The following PTPN4 variants were observed in gnomAD, a reference collection of about 807,000 sequenced individuals.
The protein encoded by PTPN4 is protein tyrosine phosphatase non-receptor type 4.
Under a neutral mutation model 135.5 loss-of-function variants are expected in PTPN4, and 49 were observed. That is an observed-to-expected ratio of 0.36 (90% confidence interval 0.29 to 0.46). The LOEUF is 0.46. PTPN4 is among the 20% of genes least tolerant of loss of function. The pLI, the probability that PTPN4 is intolerant of heterozygous loss-of-function variation, is 1.00. For missense variants in PTPN4, 860 were observed against 1,101.0 expected, an observed-to-expected ratio of 0.78 and a Z score of 3.10; for synonymous variants, 333 against 369.9, an observed-to-expected ratio of 0.90 and a Z score of 1.14.
chr2:119,853,760 A>G (rs1270456617), intron 2 of PTPN4, among the ~76,000 whole-genome samples: 1 of 152,014 alleles, frequency 6.6e-6, no homozygotes, highest in Non-Finnish European at 1.5e-5. Context: ...CTCCCATTTC[A>G]TTACTCTTTC....
chr2:119,969,355 G>T (rs965888028), intron 26 of PTPN4, among the ~76,000 whole-genome samples: 3 of 151,912 alleles, frequency 2.0e-5, no homozygotes, highest in Non-Finnish European at 4.4e-5. Flanking sequence ...ACAATATAAT[G>T]AATATCATGT....
chr2:119,847,270 C>CTG lies in PTPN4; in HGVS notation c.139-15265_139-15264insGT, dbSNP rs1351199687. ...TCAGTTAAGAAAAAAAGGAGATACTCTATATACACACACACACACACACAC... is the reference window on the plus strand; with the variant it reads ...TCAGTTAAGAAAAAAAGGAGATACTCTGTATATACACACACACACACACACAC... On this transcript the variant is annotated intron_variant, in intron 2 of 26. Coordinates refer to ENST00000263708, the MANE Select transcript of PTPN4 (RefSeq NM_002830.4). Among the ~76,000 whole-genome samples, 86 of 105,598 alleles carry CTG rather than the reference C, an allele frequency of 8.1e-4. 2 individuals carry two copies. Among genetic ancestry groups the CTG allele is most frequent in the African/African-American group, 3.0e-3 (82 of 27,504 alleles). 69.3% of individuals were successfully genotyped at this position (105,598 alleles called of 152,430 possible).
intron 2 of PTPN4, among the ~76,000 whole-genome samples, chr2:119,818,695 A>G (rs1276668740): frequency 6.6e-6 from 1 of 152,228 alleles, no homozygotes; most frequent in Non-Finnish European, 1.5e-5. Context: ...GCTCTGGATT[A>G]TTAAGTCCCT....
chr2:119,795,249 A>C (rs577630414), intron 1 of PTPN4, among the ~76,000 whole-genome samples: 1 of 152,276 alleles, frequency 6.6e-6, no homozygotes, highest in African/African-American at 2.4e-5. Flanking sequence ...ACTCTGGTCC[A>C]TGGGACCAGC....
intron 15 of PTPN4, among the ~76,000 whole-genome samples, chr2:119,943,178 A>G (rs1679084176): frequency 2.0e-5 from 3 of 152,162 alleles, no homozygotes; most frequent in African/African-American, 7.2e-5. Flanking sequence ...AGACCATACA[A>G]TCACATCATT....
chr2:119,968,566 C>A (rs897950091), intron 26 of PTPN4, among the ~76,000 whole-genome samples: 1 of 152,022 alleles, frequency 6.6e-6, no homozygotes, highest in African/African-American at 2.4e-5. Context: ...CCGAGGCGGG[C>A]GGATCACGAG....
chr2:119,781,770 A>G (rs1056785203), intron 1 of PTPN4, among the ~76,000 whole-genome samples: 1 of 152,236 alleles, frequency 6.6e-6, no homozygotes, highest in African/African-American at 2.4e-5. Flanking sequence ...ATTCGTTTAC[A>G]TATTGTTTAT....
At chr2:119,910,281 G>A (rs1230525683) in intron 10 of PTPN4, among the ~76,000 whole-genome samples, 7 of 151,372 alleles carry the variant, frequency 4.6e-5, no homozygotes, top group African/African-American at 1.2e-4. Flanking sequence ...ATAGTATATC[G>A]AACTCTTAAT....
At chr2:119,969,589 C>T (rs371567325) in intron 26 of PTPN4, among the ~76,000 whole-genome samples, 1 of 115,592 alleles carries the variant, frequency 8.7e-6, no homozygotes, top group Non-Finnish European at 1.7e-5. Context: ...GACGGAGTCT[C>T]GCTTTGTCGC....
At chr2:119,804,533 T>C (rs1037450702) in intron 1 of PTPN4, among the ~76,000 whole-genome samples, 2 of 152,176 alleles carry the variant, frequency 1.3e-5, no homozygotes, top group South Asian at 4.1e-4. Flanking sequence ...TGCAGTGTTT[T>C]GTTTTCTCTC....
chr2:119,887,624 T>G (rs1173969221), intron 9 of PTPN4, among the ~76,000 whole-genome samples: 2 of 152,240 alleles, frequency 1.3e-5, no homozygotes, highest in African/African-American at 2.4e-5. Context: ...AACCGTTTAT[T>G]GCAGAGAATG....
chr2:119,762,276 A>G (rs1366697587), intron 1 of PTPN4, among the ~76,000 whole-genome samples: 1 of 152,154 alleles, frequency 6.6e-6, no homozygotes, highest in East Asian at 1.9e-4. Flanking sequence ...CTAACTTTAA[A>G]AAAAAAGTAT....
chr2:119,765,235 A>G (rs1165043633), intron 1 of PTPN4, among the ~76,000 whole-genome samples: 1 of 152,218 alleles, frequency 6.6e-6, no homozygotes, highest in Non-Finnish European at 1.5e-5. Flanking sequence ...ATCTTCATGA[A>G]TATTATTTAT....
At position 119,858,923 on chromosome 2, in the gene PTPN4, C is replaced by T. The variant is rs370837118; in HGVS notation, c.139-3613C>T. ...TGCTGGGATTACAGGTGTGAGCCAC[C>T]GCACCCGGCCCTTTTCTGTGTTGTT... On this transcript the variant is annotated intron_variant, in intron 2 of 26. Coordinates refer to ENST00000263708, the MANE Select transcript of PTPN4 (RefSeq NM_002830.4). Among the ~76,000 whole-genome samples, 29 of 152,166 alleles carry T rather than the reference C, an allele frequency of 1.9e-4. No individual in the cohort carries two copies. In the East Asian group the frequency reaches 5.0e-3, roughly 26 times the overall value.
intron 10 of PTPN4, among the ~76,000 whole-genome samples, chr2:119,903,805 G>T (rs1678444585): frequency 6.6e-6 from 1 of 152,098 alleles, no homozygotes; most frequent in Non-Finnish European, 1.5e-5. Flanking sequence ...ACCACAGCTG[G>T]TGCCCATGAA....
At chr2:119,920,274 T>C (rs1558764455) in intron 12 of PTPN4, 33 bp downstream of exon 12, 1 of 1,539,574 alleles carries the variant, frequency 6.5e-7, no homozygotes, top group South Asian at 1.2e-5. Context: ...GGCTTTATTG[T>C]TGGATTTTGT....
rs572487405 is a variant in PTPN4, at chr2:119,779,145, A to G, written c.-18+18761A>G. Among the ~76,000 whole-genome samples, 3 of 152,330 alleles carry G rather than the reference A, an allele frequency of 2.0e-5. No individual in the cohort carries two copies. The East Asian group carries it at 5.8e-4, about 29-fold the overall frequency. ...TCTGGCCCATTCTGTTGCCAAGTTC[A>G]GTTCACATGGCTTGAGGGAACCTTC... On this transcript the variant is annotated intron_variant, in intron 1 of 26. Transcript: ENST00000263708.
At chr2:119,950,708 A>G (rs1394330264) in intron 18 of PTPN4, among the ~76,000 whole-genome samples, 1 of 152,152 alleles carries the variant, frequency 6.6e-6, no homozygotes, top group Non-Finnish European at 1.5e-5. Context: ...TCATTCCTCA[A>G]AATTCACTCT....
At chr2:119,921,053 G>A (rs1223515676) in intron 12 of PTPN4, among the ~76,000 whole-genome samples, 2 of 152,128 alleles carry the variant, frequency 1.3e-5, no homozygotes, top group Admixed American at 1.3e-4. Flanking sequence ...GGCCGAGGCA[G>A]GCGGATCACC....
Sources: allele counts gnomAD v4.1 joint callset (sites outside exome capture counted in the v4.1 genomes callset), GRCh38; gene constraint gnomAD v4.1.1; transcripts MANE v1.5; gene names NCBI Gene and HGNC (gene_info 2026-07-23, HGNC 2026-07-21).